CNTNAP2: variants seen among roughly 807,000 people sequenced by gnomAD.
CNTNAP2 encodes contactin-associated protein-like 2.
Under a neutral mutation model 155.2 loss-of-function variants are expected in CNTNAP2, and 98 were observed. The ratio of observed to expected loss-of-function variants is 0.63; its 90% confidence interval spans 0.54 to 0.75. CNTNAP2 has a LOEUF of 0.75. Among genes scored for constraint, CNTNAP2 ranks in the 30% least tolerant of loss-of-function variants. The probability of loss-of-function intolerance (pLI) is 0.00; values close to 1 mark genes in which losing one functional copy is unlikely to be tolerated. For missense variants in CNTNAP2, 1,727 were observed against 1,688.1 expected, an observed-to-expected ratio of 1.02 and a Z score of -0.40; for synonymous variants, 651 against 631.2, an observed-to-expected ratio of 1.03 and a Z score of -0.47.
rs145392534 is a variant in CNTNAP2, at chr7:146,300,893, A to G, written c.97+183920A>G. On this transcript the variant is annotated intron_variant, in intron 1 of 23. Transcript: ENST00000361727. ...GCTAAAACAAAGAGAAAAAAATATTATAGGTATTAAAATGTTTATACAAAT... is the reference window on the plus strand; with the variant it reads ...GCTAAAACAAAGAGAAAAAAATATTGTAGGTATTAAAATGTTTATACAAAT... Among the ~76,000 whole-genome samples the G allele has an allele frequency of 5.6e-3, 857 of 152,274 alleles. 10 individuals are homozygous for G. Among genetic ancestry groups the G allele is most frequent in the African/African-American group, 0.019 (776 of 41,558 alleles).
intron 1 of CNTNAP2, among the ~76,000 whole-genome samples, chr7:146,347,416 C>A (rs923074060): frequency 6.6e-6 from 1 of 152,092 alleles, no homozygotes; most frequent in South Asian, 2.1e-4. Context: ...AATTGAAGGG[C>A]CCAGAGAAGT....
intron 21 of CNTNAP2, among the ~76,000 whole-genome samples, chr7:148,328,243 T>C (rs1797924989): frequency 6.6e-6 from 1 of 151,888 alleles, no homozygotes; most frequent in Admixed American, 6.6e-5. Context: ...AAGGCTGGGG[T>C]GTGCCGGGGC....
intron 16 of CNTNAP2, among the ~76,000 whole-genome samples, chr7:148,142,794 A>G (rs746115119): frequency 1.3e-5 from 2 of 152,194 alleles, no homozygotes; most frequent in Non-Finnish European, 2.9e-5. Context: ...CGCTCAATAT[A>G]CTAAGCTTGG....
rs1321112984 is a variant in CNTNAP2 at position 148,415,755 on chromosome 7, A to AATGGAATATTCTTG, written c.*141_*154dup. On this transcript the variant is annotated 3_prime_UTR_variant, in exon 24 of 24. Coordinates refer to ENST00000361727, the MANE Select transcript of CNTNAP2 (RefSeq NM_014141.6). ...TTGGGGGAGGCAGGCAATGGAATAT[A>AATGGAATATTCTTG]ATGGAATATTCTTGAGACTGATCAC... is the stretch of plus-strand genomic sequence containing the variant. The AATGGAATATTCTTG allele has an allele frequency of 2.2e-6, 2 of 908,100 alleles. No individual in the cohort carries two copies. Among genetic ancestry groups the AATGGAATATTCTTG allele is most frequent in the Admixed American group, 4.6e-5 (2 of 43,180 alleles). The allele number at this position is 908,100 out of a possible 1,614,324, so 56.3% of individuals were successfully genotyped here. A position where few individuals can be genotyped will look rare whatever the true frequency, so the allele number is the denominator to read the frequency against.
At chr7:147,805,526 G>C (rs1563095780) in intron 13 of CNTNAP2, among the ~76,000 whole-genome samples, 1 of 152,162 alleles carries the variant, frequency 6.6e-6, no homozygotes, top group Non-Finnish European at 1.5e-5. Context: ...AAGGCATTCA[G>C]TTTTTCCCTG....
chr7:146,667,871 C>T (rs1252286883), intron 1 of CNTNAP2, among the ~76,000 whole-genome samples: 3 of 151,880 alleles, frequency 2.0e-5, no homozygotes, highest in African/African-American at 7.2e-5. Flanking sequence ...AAGAGTTTTT[C>T]AGTAGAATCT....
At chr7:147,816,780 A>T (rs851660) in intron 13 of CNTNAP2, among the ~76,000 whole-genome samples, 3 of 152,160 alleles carry the variant, frequency 2.0e-5, no homozygotes, top group Non-Finnish European at 4.4e-5. Flanking sequence ...TAAGAATAAA[A>T]CTCACCATTT....
intron 13 of CNTNAP2, among the ~76,000 whole-genome samples, chr7:147,819,100 G>A (rs1294464105): frequency 6.6e-6 from 1 of 152,008 alleles, no homozygotes; most frequent in Non-Finnish European, 1.5e-5. Flanking sequence ...TTCAGTTTCT[G>A]GATAAAAGAA....
intron 1 of CNTNAP2, among the ~76,000 whole-genome samples, chr7:146,120,374 G>A (rs1231909698): frequency 6.6e-6 from 1 of 152,102 alleles, no homozygotes; most frequent in African/African-American, 2.4e-5. Flanking sequence ...GGAGAGAAAT[G>A]TATAATCTCG....
chr7:147,782,855 A>C (rs1409939909), intron 13 of CNTNAP2, among the ~76,000 whole-genome samples: 1 of 152,222 alleles, frequency 6.6e-6, no homozygotes, highest in Non-Finnish European at 1.5e-5. Flanking sequence ...TTATGTGCTA[A>C]TCATCTGTGA....
intron 4 of CNTNAP2, among the ~76,000 whole-genome samples, chr7:147,095,027 T>G (rs562818356): frequency 6.6e-5 from 10 of 151,718 alleles, no homozygotes; most frequent in African/African-American, 2.4e-4. Flanking sequence ...TTTTTTTTGT[T>G]TTTGTTTTTA....
chr7:148,038,212 T>G (rs904586971), intron 15 of CNTNAP2, among the ~76,000 whole-genome samples: 2 of 152,336 alleles, frequency 1.3e-5, no homozygotes, highest in Non-Finnish European at 2.9e-5. Context: ...GGCAATTCAG[T>G]CTGATGCCTC....
At chr7:146,513,735 G>A (rs140951538) in intron 1 of CNTNAP2, among the ~76,000 whole-genome samples, 1 of 152,074 alleles carries the variant, frequency 6.6e-6, no homozygotes, top group African/African-American at 2.4e-5. Context: ...CAATGACAGT[G>A]TTAGAGTATT....
intron 8 of CNTNAP2, among the ~76,000 whole-genome samples, chr7:147,214,625 A>C: frequency 6.6e-6 from 1 of 152,166 alleles, no homozygotes; most frequent in East Asian, 1.9e-4. Flanking sequence ...GTTATATCAA[A>C]GGCAGGTAGT....
intron 1 of CNTNAP2, among the ~76,000 whole-genome samples, chr7:146,484,186 T>C (rs1797021625): frequency 6.6e-6 from 1 of 152,192 alleles, no homozygotes; most frequent in South Asian, 2.1e-4. Flanking sequence ...CTGTACCATA[T>C]AGTCTAGGTG....
At chr7:146,319,884 T>G (rs888658076) in intron 1 of CNTNAP2, among the ~76,000 whole-genome samples, 1 of 152,126 alleles carries the variant, frequency 6.6e-6, no homozygotes, top group African/African-American at 2.4e-5. Context: ...GACACCACAG[T>G]TCTGCTACAT....
Position 148,191,775 on chromosome 7 carries a change from A to G in CNTNAP2, c.3010+19297A>G, listed in dbSNP as rs137975501. On this transcript the variant is annotated intron_variant, in intron 18 of 23. Coordinates refer to ENST00000361727, the MANE Select transcript of CNTNAP2 (RefSeq NM_014141.6). ...CCTCACCTCCTCCTACCATCAAGTT[A>G]GGGGTTAGGATTTCAACATGTGAGT... Among the ~76,000 whole-genome samples, 301 of 152,292 alleles carry G rather than the reference A, an allele frequency of 2.0e-3. 2 individuals carry two copies. The highest frequency in any genetic ancestry group is 6.8e-3 in the African/African-American group (284 of 41,570).
intron 8 of CNTNAP2, among the ~76,000 whole-genome samples, chr7:147,285,902 T>A (rs1805164325): frequency 6.6e-6 from 1 of 152,140 alleles, no homozygotes; most frequent in Non-Finnish European, 1.5e-5. Flanking sequence ...ACCAAACTAA[T>A]CTCAGCTACA....
intron 3 of CNTNAP2, among the ~76,000 whole-genome samples, chr7:146,888,913 G>A (rs189901209): frequency 1.3e-5 from 2 of 152,184 alleles, no homozygotes; most frequent in African/African-American, 4.8e-5. Flanking sequence ...GTCCTGGAGA[G>A]CTAGTATCAA....
Sources: gnomAD v4.1 joint callset for allele counts (sites outside exome capture counted in the v4.1 genomes callset) on GRCh38, gnomAD v4.1.1 for gene constraint, MANE v1.5 for transcripts, NCBI Gene and HGNC (gene_info 2026-07-23, HGNC 2026-07-21) for gene names.